The following HYDIN variants were observed in gnomAD, a reference collection of about 807,000 sequenced individuals.
HYDIN encodes HYDIN axonemal central pair apparatus protein.
HYDIN carries 132 observed loss-of-function variants against 403.9 expected under a neutral mutation model. The ratio of observed to expected loss-of-function variants is 0.33; its 90% CI spans 0.28 to 0.38. The LOEUF is 0.38. Among genes scored for constraint, HYDIN ranks in the 10% least tolerant of loss-of-function variants. The probability of loss-of-function intolerance (pLI) is 1.00; values close to 1 mark genes in which losing one functional copy is unlikely to be tolerated. For missense variants in HYDIN, 2,827 were observed against 5,009.5 expected (o/e 0.56, Z 13.15); for synonymous variants, 1,202 against 1,891.7 (o/e 0.64, Z 9.46).
At chr16:70,890,562 C>G (rs1023044612) in intron 57 of HYDIN, among the ~76,000 whole-genome samples, 11 of 152,100 alleles carry the variant, frequency 7.2e-5, no homozygotes, top group African/African-American at 1.4e-4. Context: ...TATAAAACAA[C>G]TACAATGTAA....
intron 83 of HYDIN, among the ~76,000 whole-genome samples, chr16:70,819,227 C>CTTCCTA (rs1216430755): frequency 6.6e-6 from 1 of 151,916 alleles, no homozygotes; most frequent in Non-Finnish European, 1.5e-5. Flanking sequence ...AGTGGGCTTT[C>CTTCCTA]TTCCTATTCC....
chr16:71,151,931 T>A (rs1474767679), intron 7 of HYDIN, among the ~76,000 whole-genome samples: 1 of 152,230 alleles, frequency 6.6e-6, no homozygotes, highest in African/African-American at 2.4e-5. Flanking sequence ...TTATGTAGGA[T>A]ATTTGCATGT....
chr16:71,108,768 T>C (rs2083710752), intron 10 of HYDIN, among the ~76,000 whole-genome samples: 1 of 151,702 alleles, frequency 6.6e-6, no homozygotes, highest in Non-Finnish European at 1.5e-5. Flanking sequence ...CCAACATGGG[T>C]CTCACTGGGC....
chr16:70,936,540 ATT>A (rs58496012), intron 44 of HYDIN, among the ~76,000 whole-genome samples: 1 of 67,538 alleles, frequency 1.5e-5, no homozygotes. Flanking sequence ...GAAAATAAGA[ATT>A]TTTTTTTTTT....
chr16:70,847,459 A>G (rs1044870109), intron 75 of HYDIN, among the ~76,000 whole-genome samples: 5 of 151,920 alleles, frequency 3.3e-5, no homozygotes, highest in African/African-American at 1.2e-4. Context: ...TCCCTTTATT[A>G]CTTCTTGTAG....
intron 13 of HYDIN, among the ~76,000 whole-genome samples, chr16:71,070,965 G>A (rs2082449824): frequency 6.6e-6 from 1 of 152,070 alleles, no homozygotes; most frequent in Non-Finnish European, 1.5e-5. Context: ...AAAGAACTGT[G>A]AGATTGAGTG....
chr16:71,171,366 C>G (rs1411690984), intron 5 of HYDIN, among the ~76,000 whole-genome samples: 2 of 152,194 alleles, frequency 1.3e-5, no homozygotes, highest in African/African-American at 4.8e-5. Flanking sequence ...TTCCCTACCC[C>G]CTACTATGTC....
intron 11 of HYDIN, among the ~76,000 whole-genome samples, chr16:71,092,470 A>C (rs1214817009): frequency 6.6e-6 from 1 of 152,222 alleles, no homozygotes; most frequent in Non-Finnish European, 1.5e-5. Context: ...AATATCTAGC[A>C]CTACCTTAAC....
chr16:70,892,649 C>T, intron 55 of HYDIN, 120 bp from the exon 56 acceptor site: 12 of 876,008 alleles, frequency 1.4e-5, no homozygotes, highest in Non-Finnish European at 2.0e-5. Context: ...GCCACTACGT[C>T]CGGCGGAGTC....
At chr16:70,987,438 G>C (rs945164712) in intron 27 of HYDIN, among the ~76,000 whole-genome samples, 4 of 151,776 alleles carry the variant, frequency 2.6e-5, no homozygotes, top group Admixed American at 2.0e-4. Context: ...TTACAGTGTG[G>C]GAGGAACTGC....
intron 67 of HYDIN, among the ~76,000 whole-genome samples, chr16:70,865,812 C>G (rs1197394792): frequency 6.6e-6 from 1 of 152,174 alleles, no homozygotes; most frequent in Non-Finnish European, 1.5e-5. Context: ...TAGATGGATC[C>G]TATACCCACC....
At chr16:71,054,961 T>C (rs1188958609) in intron 18 of HYDIN, among the ~76,000 whole-genome samples, 2 of 152,280 alleles carry the variant, frequency 1.3e-5, no homozygotes, top group Non-Finnish European at 2.9e-5. Context: ...ATAATTTATA[T>C]ATGTACATTT....
intron 8 of HYDIN, among the ~76,000 whole-genome samples, chr16:71,134,239 C>T (rs2084824260): frequency 6.6e-6 from 1 of 151,898 alleles, no homozygotes. Flanking sequence ...CTTAGAGCAA[C>T]TTTCAGCCCC....
At chr16:70,923,695 C>T (rs1352805031) in intron 45 of HYDIN, among the ~76,000 whole-genome samples, 3 of 147,602 alleles carry the variant, frequency 2.0e-5, no homozygotes, top group Non-Finnish European at 3.0e-5. Flanking sequence ...GTGGCAGGTG[C>T]CTGTAGTCCC....
chr16:70,964,819 G>A lies in HYDIN; in HGVS notation c.5697C>T (p.Pro1899=), dbSNP rs766013264. The A allele has an allele frequency of 1.1e-5, 17 of 1,587,696 alleles. No homozygotes were observed. The highest frequency in any genetic ancestry group is 1.5e-5 in the Non-Finnish European group (17 of 1,156,034). The stretch of plus-strand genomic sequence containing the variant: ...CTTTGAAGTACTCGTACAGTTCTGG[G>A]GGCAGCTTCTCCCCAGGGTTGCGGG... ...LPPRNPGEKL[P]PELYEYFKEI... Residue 1899 remains proline (P), a synonymous_variant, in exon 37 of 86, where the codon CCC becomes CCT. Coordinates refer to ENST00000393567, the MANE Select transcript of HYDIN (RefSeq NM_001270974.2).
intron 67 of HYDIN, among the ~76,000 whole-genome samples, chr16:70,864,868 C>T (rs1433442553): frequency 1.3e-5 from 2 of 152,122 alleles, no homozygotes; most frequent in Admixed American, 6.5e-5. Flanking sequence ...GGGAACGCAG[C>T]CACAGATAGG....
chr16:71,165,420 C>T (rs2086178511), intron 5 of HYDIN, among the ~76,000 whole-genome samples: 1 of 151,836 alleles, frequency 6.6e-6, no homozygotes, highest in Middle Eastern at 3.4e-3. Context: ...ATGGAACTCT[C>T]CCTCTCCTGC....
intron 1 of HYDIN, among the ~76,000 whole-genome samples, chr16:71,189,965 A>G (rs1246528133): frequency 1.3e-5 from 2 of 152,146 alleles, no homozygotes; most frequent in Non-Finnish European, 2.9e-5. Flanking sequence ...AGTATTTTTA[A>G]AAGTATAAAC....
At chr16:71,042,340 A>G (rs560901569) in intron 18 of HYDIN, among the ~76,000 whole-genome samples, 1 of 151,638 alleles carries the variant, frequency 6.6e-6, no homozygotes, top group Non-Finnish European at 1.5e-5. Flanking sequence ...TGCTTTTTGG[A>G]TTTGCCTCTA....
Sources: gnomAD v4.1 joint callset for allele counts (sites outside exome capture counted in the v4.1 genomes callset) on GRCh38, gnomAD v4.1.1 for gene constraint, MANE v1.5 for transcripts, NCBI Gene and HGNC (gene_info 2026-07-23, HGNC 2026-07-21) for gene names.